Variants in ACYP2 observed in about 807,000 individuals in gnomAD.
ACYP2 encodes the protein acylphosphatase-2.
In ACYP2, 12 loss-of-function variants were observed where a neutral mutation model predicts 11.2. That is an observed-to-expected ratio of 1.08 (90% CI 0.69 to 1.74). The LOEUF is 1.74. Among genes scored for constraint, ACYP2 ranks in the 40% most tolerant of loss-of-function variants. The probability of loss-of-function intolerance (pLI) is 0.00; values close to 1 mark genes in which losing one functional copy is unlikely to be tolerated. For missense variants in ACYP2, 134 were observed against 101.9 expected, an observed-to-expected ratio of 1.31 and a Z score of -1.35; for synonymous variants, 43 against 32.2, an observed-to-expected ratio of 1.33 and a Z score of -1.13.
intron 6 of ACYP2, among the ~76,000 whole-genome samples, chr2:54,147,524 C>T (rs1472778344): frequency 6.6e-6 from 1 of 151,924 alleles, no homozygotes; most frequent in Non-Finnish European, 1.5e-5. Context: ...CACTTGCTTT[C>T]CTTCTTTCTT....
chr2:54,191,051 C>A (rs1558600192), intron 6 of ACYP2, among the ~76,000 whole-genome samples: 1 of 152,024 alleles, frequency 6.6e-6, no homozygotes, highest in Non-Finnish European at 1.5e-5. Context: ...ATTTCTCATG[C>A]CCCCACTCCA....
chr2:54,074,846 A>ATGAT (rs1364222186), intron 4 of ACYP2, among the ~76,000 whole-genome samples: 1 of 152,150 alleles, frequency 6.6e-6, no homozygotes, highest in African/African-American at 2.4e-5. Context: ...AGGCCTTCAA[A>ATGAT]TGATTGGATG....
intron 6 of ACYP2, among the ~76,000 whole-genome samples, chr2:54,148,450 G>T (rs145272274): frequency 2.4e-3 from 359 of 152,294 alleles, no homozygotes; most frequent in African/African-American, 7.9e-3. Flanking sequence ...TTAGTGCAGT[G>T]CCTGGCATGT....
chr2:54,080,797 T>C (rs535411278), intron 4 of ACYP2, among the ~76,000 whole-genome samples: 5 of 152,130 alleles, frequency 3.3e-5, no homozygotes, highest in South Asian at 2.1e-4. Flanking sequence ...CTCTTTTTTT[T>C]CCCTTTTTAA....
At chr2:54,297,172 G>C (rs933980655) in intron 6 of ACYP2, among the ~76,000 whole-genome samples, 1 of 151,804 alleles carries the variant, frequency 6.6e-6, no homozygotes. Context: ...AAGGCAAGTA[G>C]TCAAACTGAC....
chr2:54,152,632 T>C (rs1470028736), intron 6 of ACYP2, among the ~76,000 whole-genome samples: 1 of 152,200 alleles, frequency 6.6e-6, no homozygotes, highest in Non-Finnish European at 1.5e-5. Flanking sequence ...GAATGTTATA[T>C]AGATGGAATA....
intron 6 of ACYP2, among the ~76,000 whole-genome samples, chr2:54,229,831 A>G (rs1348005083): frequency 2.0e-5 from 3 of 152,142 alleles, no homozygotes; most frequent in Non-Finnish European, 4.4e-5. Context: ...TTTCTAGATG[A>G]CTAACATCAT....
intron 4 of ACYP2, 101 bp from the exon 1 acceptor site, chr2:54,115,514 C>A: frequency 6.9e-7 from 1 of 1,452,616 alleles, no homozygotes; most frequent in South Asian, 1.4e-5. Context: ...CGGCTGCCCT[C>A]GCTCCCAGGC....
At chr2:54,129,472 G>C (rs1376564468) in intron 4 of ACYP2, among the ~76,000 whole-genome samples, 1 of 151,578 alleles carries the variant, frequency 6.6e-6, no homozygotes, top group Non-Finnish European at 1.5e-5. Flanking sequence ...TCAACATTTA[G>C]GATTATAGCA....
intron 2 of ACYP2, among the ~76,000 whole-genome samples, chr2:54,033,857 C>G (rs1206228306): frequency 1.3e-5 from 2 of 152,148 alleles, no homozygotes; most frequent in East Asian, 3.9e-4. Flanking sequence ...TTTTTTCTCC[C>G]TAGATTCTGA....
intron 6 of ACYP2, chr2:54,255,585 A>C (rs754467247): frequency 1.2e-6 from 2 of 1,605,690 alleles, no homozygotes; most frequent in African/African-American, 1.4e-5. Context: ...GCCCGGGCCC[A>C]GGCCCTGCCT....
At chr2:54,023,580 T>G (rs561855464) in intron 2 of ACYP2, among the ~76,000 whole-genome samples, 1 of 152,350 alleles carries the variant, frequency 6.6e-6, no homozygotes, top group Non-Finnish European at 1.5e-5. Context: ...AGTATTGCAT[T>G]GTGACTTGAT....
At chr2:54,296,351 G>C (rs1351801811) in intron 6 of ACYP2, among the ~76,000 whole-genome samples, 1 of 152,158 alleles carries the variant, frequency 6.6e-6, no homozygotes, top group African/African-American at 2.4e-5. Flanking sequence ...CTGTACTCAA[G>C]AATTAGAATG....
At chr2:54,240,375 G>A (rs971193229) in intron 6 of ACYP2, among the ~76,000 whole-genome samples, 13 of 152,054 alleles carry the variant, frequency 8.5e-5, no homozygotes, top group African/African-American at 3.1e-4. Context: ...AAGCCTTCTT[G>A]GTGAGCAGAC....
intron 6 of ACYP2, among the ~76,000 whole-genome samples, chr2:54,155,370 T>C (rs1682382642): frequency 1.3e-5 from 2 of 152,150 alleles, no homozygotes; most frequent in African/African-American, 4.8e-5. Flanking sequence ...TTCCTTGAGG[T>C]ATAACATAAT....
At chr2:54,175,729 G>C (rs1683430290) in intron 6 of ACYP2, among the ~76,000 whole-genome samples, 1 of 152,084 alleles carries the variant, frequency 6.6e-6, no homozygotes, top group Admixed American at 6.6e-5. Flanking sequence ...GGTAGAAACT[G>C]CCAGTTATTT....
chr2:54,092,610 G>A (rs1678295658), intron 4 of ACYP2, among the ~76,000 whole-genome samples: 1 of 152,216 alleles, frequency 6.6e-6, no homozygotes, highest in East Asian at 1.9e-4. Flanking sequence ...GAAATGGAGT[G>A]TCTCAGAAGT....
chr2:53,996,535 G>A (rs772396363), intron 2 of ACYP2, among the ~76,000 whole-genome samples: 23 of 152,178 alleles, frequency 1.5e-4, no homozygotes, highest in Non-Finnish European at 2.8e-4. Context: ...GTTAAGAGAA[G>A]TTTTGCAATG....
intron 4 of ACYP2, among the ~76,000 whole-genome samples, chr2:54,099,605 C>T (rs1215830969): frequency 6.6e-6 from 1 of 152,220 alleles, no homozygotes; most frequent in Non-Finnish European, 1.5e-5. Flanking sequence ...TCACGAATCA[C>T]AGGATTTCCT....
Sources: gnomAD v4.1 joint callset for allele counts (sites outside exome capture counted in the v4.1 genomes callset) on GRCh38, gnomAD v4.1.1 for gene constraint, MANE v1.5 for transcripts, NCBI Gene and HGNC (gene_info 2026-07-23, HGNC 2026-07-21) for gene names.